Variants in SLCO3A1 observed in about 807,000 individuals in gnomAD.
SLCO3A1 encodes the protein solute carrier organic anion transporter family member 3A1, also known as PGE1 transporter.
A neutral mutation model predicts 63.1 loss-of-function variants in SLCO3A1; 27 were observed. The observed-to-expected ratio is 0.43, with a 90% CI of 0.32 to 0.59. SLCO3A1 has a LOEUF of 0.59. Among genes scored for constraint, SLCO3A1 ranks in the 20% least tolerant of loss-of-function variants. SLCO3A1 has a pLI of 0.09. For missense variants in SLCO3A1, 773 were observed against 945.8 expected, an observed-to-expected ratio of 0.82 and a Z score of 2.40; for synonymous variants, 473 against 409.9, an observed-to-expected ratio of 1.15 and a Z score of -1.86.
intron 1 of SLCO3A1, among the ~76,000 whole-genome samples, chr15:91,904,239 T>A (rs1014983299): frequency 2.6e-5 from 4 of 152,214 alleles, no homozygotes; most frequent in African/African-American, 7.2e-5. Context: ...TTTTGGTATT[T>A]ATTTGGGTAC....
At chr15:91,952,483 T>C (rs905444469) in intron 2 of SLCO3A1, among the ~76,000 whole-genome samples, 1 of 152,232 alleles carries the variant, frequency 6.6e-6, no homozygotes, top group African/African-American at 2.4e-5. Flanking sequence ...AATAAATGAA[T>C]GTTTCTGTTT....
chr15:91,935,348 G>A (rs1256215622), intron 2 of SLCO3A1, among the ~76,000 whole-genome samples: 2 of 152,170 alleles, frequency 1.3e-5, no homozygotes, highest in African/African-American at 4.8e-5. Context: ...AGGGACTTTT[G>A]TAAATGTGGT....
intron 2 of SLCO3A1, among the ~76,000 whole-genome samples, chr15:92,093,627 G>A (rs1205441306): frequency 1.3e-5 from 2 of 152,144 alleles, no homozygotes; most frequent in African/African-American, 2.4e-5. Flanking sequence ...GAATGAGTTC[G>A]GAGGAGGGAA....
intron 2 of SLCO3A1, among the ~76,000 whole-genome samples, chr15:91,935,791 A>G (rs1407660130): frequency 6.6e-6 from 1 of 151,070 alleles, no homozygotes; most frequent in Non-Finnish European, 1.5e-5. Flanking sequence ...GAGATTTTAC[A>G]CTTCTCACTG....
chr15:91,981,435 A>G (rs1042875177), intron 2 of SLCO3A1, among the ~76,000 whole-genome samples: 4 of 151,546 alleles, frequency 2.6e-5, no homozygotes, highest in Non-Finnish European at 5.9e-5. Context: ...TGCTCCAGCC[A>G]CTCCAGACTC....
intron 9 of SLCO3A1, among the ~76,000 whole-genome samples, chr15:92,155,697 G>A (rs2048362261): frequency 6.6e-6 from 1 of 152,126 alleles, no homozygotes; most frequent in East Asian, 1.9e-4. Context: ...AAGACAGATG[G>A]GAGCCACATA....
Position 91,968,754 on chromosome 15 carries a change from C to T in SLCO3A1, c.646+52296C>T, listed in dbSNP as rs945669176. ...GCCGCAGTATTTACGGCACTCACGA[C>T]GTGTCCAGCTTCTTTGTGCGCTCAC... On this transcript the variant is annotated intron_variant, in intron 2 of 9. Transcript: ENST00000318445. This position sits in a 1 kb window ranked among gnomAD's most constrained non-coding sequence, Gnocchi z 4.2. Among the ~76,000 whole-genome samples, 3 of 152,234 alleles carry T rather than the reference C, an allele frequency of 2.0e-5. No individual in the cohort carries two copies. Among genetic ancestry groups the T allele is most frequent in the Non-Finnish European group, 2.9e-5 (2 of 68,046 alleles).
At chr15:91,966,757 T>C (rs1355514181) in intron 2 of SLCO3A1, among the ~76,000 whole-genome samples, 2 of 152,250 alleles carry the variant, frequency 1.3e-5, no homozygotes, top group African/African-American at 4.8e-5. Context: ...AAGGAATTCA[T>C]GCCTGGGCTT....
intron 2 of SLCO3A1, among the ~76,000 whole-genome samples, chr15:91,993,646 C>T (rs537047685): frequency 7.4e-4 from 113 of 152,260 alleles, no homozygotes; most frequent in Non-Finnish European, 1.2e-3. Context: ...AGACTTGGTC[C>T]ATGGTAGCCA....
In SLCO3A1 at chr15:91,853,925, C is replaced by T; in HGVS notation, c.17C>T (p.Pro6Leu). The T allele has an allele frequency of 3.5e-6, 5 of 1,448,958 alleles. No individual in the cohort carries two copies. The African/African-American group carries it at 5.9e-5, about 17-fold the overall frequency. 89.8% of individuals were successfully genotyped at this position (1,448,958 alleles called of 1,614,324 possible). A position where few individuals can be genotyped will look rare whatever the true frequency, so the allele number is the denominator to read the frequency against. Residue 6 changes from proline (P) to leucine (L), a missense_variant, in exon 1 of 10, where the codon CCG (proline) becomes CTG (leucine). Physicochemically the swap from Pro to Leu is moderately conservative, Grantham distance 98. Coordinates refer to ENST00000318445, the MANE Select transcript of SLCO3A1 (RefSeq NM_013272.4). The stretch of plus-strand genomic sequence containing the variant: ...GGGGGAAGGATGCAGGGGAAGAAGC[C>T]GGGCGGTTCGTCGGGCGGCGGCCGG... MQGKKPGGSSGGGRSG... is the reference protein window; with the variant it reads MQGKKLGGSSGGGRSG...
chr15:91,919,251 T>C (rs989418539), intron 2 of SLCO3A1, among the ~76,000 whole-genome samples: 5 of 152,238 alleles, frequency 3.3e-5, no homozygotes, highest in Non-Finnish European at 7.3e-5. Context: ...ATGACTTACT[T>C]GCTTTGGCCT....
intron 2 of SLCO3A1, among the ~76,000 whole-genome samples, chr15:91,937,166 A>G (rs1272038668): frequency 6.6e-6 from 1 of 152,140 alleles, no homozygotes; most frequent in Non-Finnish European, 1.5e-5. Flanking sequence ...AAAGGAAACC[A>G]CCCACTTACA....
chr15:92,099,699 T>A (rs752867535), intron 3 of SLCO3A1, among the ~76,000 whole-genome samples: 1 of 152,096 alleles, frequency 6.6e-6, no homozygotes, highest in Non-Finnish European at 1.5e-5. Context: ...AGCTCTCAAT[T>A]CACCCAACAC....
At chr15:92,145,189 C>T (rs147594394) in intron 7 of SLCO3A1, among the ~76,000 whole-genome samples, 3 of 152,116 alleles carry the variant, frequency 2.0e-5, no homozygotes, top group African/African-American at 7.2e-5. Flanking sequence ...CGGATTCATG[C>T]GTGTGGAAAC....
chr15:92,038,006 C>T (rs1409547895), intron 2 of SLCO3A1, among the ~76,000 whole-genome samples: 1 of 152,176 alleles, frequency 6.6e-6, no homozygotes, highest in Non-Finnish European at 1.5e-5. Flanking sequence ...ACCTAAATGC[C>T]TCCTGTGCTC....
intron 7 of SLCO3A1, among the ~76,000 whole-genome samples, chr15:92,130,969 C>T (rs1260220124): frequency 6.6e-6 from 1 of 151,492 alleles, no homozygotes; most frequent in Non-Finnish European, 1.5e-5. Context: ...CTGGAATTCT[C>T]CACCTTCCCC....
At chr15:91,971,938 AT>A (rs900207685) in intron 2 of SLCO3A1, among the ~76,000 whole-genome samples, 10 of 151,564 alleles carry the variant, frequency 6.6e-5, no homozygotes, top group Middle Eastern at 3.4e-3. Flanking sequence ...TGGATCTTGG[AT>A]TTTTTTTTAT....
intron 2 of SLCO3A1, among the ~76,000 whole-genome samples, chr15:91,957,582 C>T (rs1429294522): frequency 1.3e-5 from 2 of 152,070 alleles, no homozygotes; most frequent in African/African-American, 4.8e-5. Flanking sequence ...TTGCTGTTCC[C>T]TCTACCTGGT....
intron 2 of SLCO3A1, among the ~76,000 whole-genome samples, chr15:91,974,043 T>C (rs1900991533): frequency 6.6e-6 from 1 of 152,050 alleles, no homozygotes; most frequent in Non-Finnish European, 1.5e-5. Flanking sequence ...CAGGCACCAG[T>C]AGGTGACAAG....
Sources: gnomAD v4.1 joint callset for allele counts (sites outside exome capture counted in the v4.1 genomes callset) on GRCh38, gnomAD v4.1.1 for gene constraint, Gnocchi (gnomAD v3.1) non-coding constraint, MANE v1.5 for transcripts, NCBI Gene and HGNC (gene_info 2026-07-23, HGNC 2026-07-21) for gene names.